POLI: variants seen among roughly 807,000 people sequenced by gnomAD.
POLI encodes DNA polymerase iota, also known as RAD30 homolog B.
In POLI, 58 loss-of-function variants were observed where a neutral mutation model predicts 51.6. The observed-to-expected ratio is 1.12, with a 90% CI of 0.91 to 1.40. The LOEUF (loss-of-function observed/expected upper bound fraction) is 1.40, where lower values mean the gene tolerates loss of function less well. Ranked by LOEUF, POLI falls within the 40% of genes most tolerant of loss-of-function variation. The pLI, the probability that POLI is intolerant of heterozygous loss-of-function variation, is 0.00. For missense variants in POLI, 921 were observed against 871.3 expected (o/e 1.06, Z -0.72); for synonymous variants, 322 against 299.7 (o/e 1.07, Z -0.77).
At chr18:54,273,623 T>A (rs1444640513) in intron 2 of POLI, among the ~76,000 whole-genome samples, 4 of 152,098 alleles carry the variant, frequency 2.6e-5, no homozygotes, top group African/African-American at 7.2e-5. Flanking sequence ...ATTCAGTGTT[T>A]TGTTATTTAA....
chr18:54,274,314 A>G (rs2087142758), intron 3 of POLI, among the ~76,000 whole-genome samples: 1 of 152,092 alleles, frequency 6.6e-6, no homozygotes. Context: ...TTTAACTCTT[A>G]TTATTGATGT....
intron 3 of POLI, among the ~76,000 whole-genome samples, chr18:54,305,980 G>A (rs934702551): frequency 3.3e-5 from 5 of 152,120 alleles, no homozygotes; most frequent in Admixed American, 6.5e-5. Context: ...GGATGGTTTC[G>A]ATCTCCTGAC....
At position 54,296,200 on chromosome 18, in the gene POLI, G is replaced by T. The variant is rs955330764; in HGVS notation, c.*1733G>T. 11 of 984,858 alleles carry T rather than the reference G, an allele frequency of 1.1e-5. No homozygotes were observed. Among genetic ancestry groups the T allele is most frequent in the Non-Finnish European group, 1.3e-5 (11 of 829,574 alleles). The allele number at this position is 984,858 out of a possible 1,614,324, so 61.0% of individuals were successfully genotyped here. A position where few individuals can be genotyped will look rare whatever the true frequency, so the allele number is the denominator to read the frequency against. On this transcript the variant is annotated 3_prime_UTR_variant, in exon 10 of 10. Coordinates refer to ENST00000579534, the MANE Select transcript of POLI (RefSeq NM_007195.3). ...TTTATAGTCCTTGTAATGATTTCAG[G>T]ACCTTGGACAGCTAGAAGGGGCTTA...
chr18:54,281,867 T>C (rs1398633710), intron 5 of POLI, among the ~76,000 whole-genome samples: 1 of 151,872 alleles, frequency 6.6e-6, no homozygotes, highest in Admixed American at 6.6e-5. Context: ...TACATAGCCA[T>C]CTCCTCCAAC....
intron 9 of POLI, 37 bp downstream of exon 9, chr18:54,292,075 A>G (rs774040383): frequency 1.6e-6 from 2 of 1,239,340 alleles, no homozygotes; most frequent in Middle Eastern, 2.7e-4. Flanking sequence ...TTCTAAGTAT[A>G]CTCTTATGGG....
At chr18:54,298,729 C>T (rs377306476), downstream of POLI, among the ~76,000 whole-genome samples, 47 of 151,150 alleles carry the variant, frequency 3.1e-4, no homozygotes, top group East Asian at 7.8e-3. Context: ...GCTGGGATTA[C>T]AGGCACCTAC....
chr18:54,269,601 G>C lies in POLI; in HGVS notation c.55G>C (p.Glu19Gln). 1 of 1,502,666 alleles carries C rather than the reference G, an allele frequency of 6.7e-7. No homozygotes were observed. Among genetic ancestry groups the C allele is most frequent in the Non-Finnish European group, 8.8e-7 (1 of 1,130,266 alleles). 93.1% of individuals were successfully genotyped at this position (1,502,666 alleles called of 1,614,324 possible). A position where few individuals can be genotyped will look rare whatever the true frequency, so the allele number is the denominator to read the frequency against. The change falls in exon 1 of 10, where the codon GAA becomes CAA. Residue 19 changes from glutamate (E) to glutamine (Q), a missense_variant. Physicochemically the swap from Glu to Gln is conservative, Grantham distance 29. Coordinates refer to ENST00000579534, the MANE Select transcript of POLI (RefSeq NM_007195.3). ...EEEGGGDDDE[E>Q]DAEAWAMELA... ...GGAAGGCGGCGGCGACGACGACGAG[G>C]AAGACGCCGAGGCCTGGGCCATGGA...
At chr18:54,313,142 G>A (rs1408601216) in intron 3 of POLI, among the ~76,000 whole-genome samples, 2 of 152,092 alleles carry the variant, frequency 1.3e-5, no homozygotes, top group Non-Finnish European at 2.9e-5. Flanking sequence ...GATAGGTGGG[G>A]GTCCAGTTGC....
At chr18:54,285,397 T>C (rs889441899) in intron 7 of POLI, among the ~76,000 whole-genome samples, 1 of 152,114 alleles carries the variant, frequency 6.6e-6, no homozygotes, top group African/African-American at 2.4e-5. Flanking sequence ...ATACAAAACC[T>C]GTGAAATTAA....
chr18:54,290,240 G>A (rs528150974), intron 8 of POLI, among the ~76,000 whole-genome samples: 30 of 152,304 alleles, frequency 2.0e-4, no homozygotes, highest in Admixed American at 1.6e-3. Context: ...GCTCATCATT[G>A]CTGGTCATTA....
rs189965458 is a variant in POLI, at chr18:54,306,339, G to T, written c.334-13934G>T. On this transcript the variant is annotated intron_variant, in intron 3 of 4. Coordinates refer to the POLI transcript ENST00000579823. ...CTGCATCTATTGAGATAATCATGTGGTTTTTGTCATTGGTTCTGTTTATGT... is the reference window on the plus strand; with the variant it reads ...CTGCATCTATTGAGATAATCATGTGTTTTTTGTCATTGGTTCTGTTTATGT... Among the ~76,000 whole-genome samples the T allele has an allele frequency of 8.3e-3, 1,261 of 152,206 alleles. 15 individuals carry two copies. The highest frequency in any genetic ancestry group is 0.011 in the Non-Finnish European group (747 of 68,018).
chr18:54,314,808 A>T (rs906505253), intron 3 of POLI, among the ~76,000 whole-genome samples: 1 of 148,740 alleles, frequency 6.7e-6, no homozygotes, highest in African/African-American at 2.5e-5. Context: ...ATCAGTTGTA[A>T]TGTCATCTTT....
chr18:54,291,955 C>T lies in POLI; in HGVS notation c.1321C>T (p.Leu441=). 6.2e-7 allele frequency: 1 copy of T among 1,610,144 alleles called. No individual in the cohort carries two copies. Among genetic ancestry groups the T allele is most frequent in the South Asian group, 1.1e-5 (1 of 90,950 alleles). The change falls in exon 9 of 10, where the codon CTA becomes TTA. Residue 441 remains leucine, a synonymous_variant. Transcript: ENST00000579534. ...TGTGTGCTTCTGCAACCTTAAAGCA[C>T]TAAATACTGCTAAGAAAGGGCTTAT... ...LSVCFCNLKA[L]NTAKKGLIDY...
intron 5 of POLI, among the ~76,000 whole-genome samples, chr18:54,282,446 TC>T (rs1419558206): frequency 6.6e-6 from 1 of 152,170 alleles, no homozygotes; most frequent in Admixed American, 6.5e-5. Context: ...TTTCACAGTT[TC>T]TATTACCTGC....
chr18:54,310,835 A>G (rs898432891), intron 3 of POLI, among the ~76,000 whole-genome samples: 9 of 152,220 alleles, frequency 5.9e-5, no homozygotes, highest in African/African-American at 2.2e-4. Flanking sequence ...TGCTTACAAA[A>G]TAATTGAGAA....
rs1387256781 is a variant in POLI, at chr18:54,287,466, A to G, written c.1198+55A>G. ...AGCAGGTTGAACTCTTAAATAAGCC[A>G]ACTTTGAATGAGAAATATGCTCCAA... On this transcript the variant is annotated intron_variant, in intron 8 of 9. Coordinates refer to ENST00000579534, the MANE Select transcript of POLI (RefSeq NM_007195.3). 19 of 1,373,104 alleles carry G rather than the reference A, an allele frequency of 1.4e-5. No homozygotes were observed. In the East Asian group the frequency reaches 4.2e-4, roughly 31 times the overall value. The allele number at this position is 1,373,104 out of a possible 1,614,324, so 85.1% of individuals were successfully genotyped here. A position where few individuals can be genotyped will look rare whatever the true frequency, so the allele number is the denominator to read the frequency against.
chr18:54,313,707 T>G (rs2088698360), intron 3 of POLI, among the ~76,000 whole-genome samples: 1 of 152,178 alleles, frequency 6.6e-6, no homozygotes, highest in Non-Finnish European at 1.5e-5. Flanking sequence ...TTTAGTTCTT[T>G]TTGTAGCTAT....
chr18:54,289,915 T>C (rs555022876), intron 8 of POLI, among the ~76,000 whole-genome samples: 1 of 152,276 alleles, frequency 6.6e-6, no homozygotes, highest in Admixed American at 6.5e-5. Context: ...TACATAAGCA[T>C]GGGCAAAGAC....
chr18:54,320,554 G>T (rs1310838333), intron 4 of POLI, among the ~76,000 whole-genome samples: 3 of 152,032 alleles, frequency 2.0e-5, no homozygotes, highest in Non-Finnish European at 4.4e-5. Flanking sequence ...TAATATTTTT[G>T]AATAAAAGTA....
Sources: gnomAD v4.1 joint callset for allele counts (sites outside exome capture counted in the v4.1 genomes callset) on GRCh38, gnomAD v4.1.1 for gene constraint, MANE v1.5 for transcripts, NCBI Gene and HGNC (gene_info 2026-07-23, HGNC 2026-07-21) for gene names.